Variants in STPG3 observed in about 807,000 individuals in gnomAD.
STPG3 encodes the protein protein STPG3.
In STPG3, 39 loss-of-function variants were observed where a neutral mutation model predicts 32.5. The observed-to-expected ratio is 1.20, with a 90% CI of 0.93 to 1.57. The LOEUF (loss-of-function observed/expected upper bound fraction) is 1.57. Ranked by LOEUF, STPG3 falls within the 40% of genes most tolerant of loss-of-function variation. The pLI is 0.00. For synonymous variants in STPG3, 209 were observed against 172.4 expected (o/e 1.21, Z -1.66); for missense variants, 507 against 407.6 (o/e 1.24, Z -2.10).
chr9:137,252,892 C>A lies in STPG3; in HGVS notation c.723C>A (p.Ser241Arg). 6.3e-7 allele frequency: 1 copy of A among 1,595,598 alleles called. No individual in the cohort carries two copies. The highest frequency in any genetic ancestry group is 8.5e-7 in the Non-Finnish European group (1 of 1,171,932). The part of the protein sequence containing the change: ...GPNTYNILPG[S>R]RLQSPRSPAF... The stretch of plus-strand genomic sequence containing the variant: ...ACACCTACAATATCCTTCCTGGGAG[C>A]CGCCTGCAGAGCCCCCGCTCGCCGG... The change falls in exon 5 of 6, where the codon AGC becomes AGA. Residue 241 changes from serine to arginine, a missense_variant. Transcript: ENST00000412566.
At position 137,253,322 on chromosome 9, in the gene STPG3, C is replaced by T. The variant is rs1214709367; in HGVS notation, c.*77C>T. ...TCCCCCGGGGCTTTCCCAGGCCTCC[C>T]CTGGGACTTGGGGCCCCAGCCTGGC... On this transcript the variant is annotated 3_prime_UTR_variant, in exon 6 of 6. Coordinates refer to ENST00000412566, the MANE Select transcript of STPG3 (RefSeq NM_001004353.4). The T allele has an allele frequency of 1.9e-6, 3 of 1,552,640 alleles. No homozygotes were observed. Among genetic ancestry groups the T allele is most frequent in the Non-Finnish European group, 2.6e-6 (3 of 1,149,250 alleles).
intron 1 of STPG3, 61 bp downstream of exon 1, chr9:137,251,457 A>G: frequency 7.6e-7 from 1 of 1,312,528 alleles, no homozygotes; most frequent in Non-Finnish European, 1.1e-6. Context: ...GGGCTGAGGG[A>G]CAGTGTGGGG....
chr9:137,251,904 G>C lies in STPG3; in HGVS notation c.268+9G>C, dbSNP rs1388996523. On this transcript the variant is annotated intron_variant, in intron 2 of 5. Coordinates refer to ENST00000412566, the MANE Select transcript of STPG3 (RefSeq NM_001004353.4). Reference sequence around the variant, plus strand: ...GACCCTGAGGGAACTATGTGAGTGAGGGTCCTGGCCACCCCACCCCCAAGC... The same window carrying C: ...GACCCTGAGGGAACTATGTGAGTGACGGTCCTGGCCACCCCACCCCCAAGC... The C allele has an allele frequency of 1.2e-6, 2 of 1,604,514 alleles. No individual in the cohort carries two copies. The highest frequency in any genetic ancestry group is 2.2e-5 in the East Asian group (1 of 44,456).
At chr9:137,252,202 C>T in intron 3 of STPG3, 67 bp downstream of exon 3, 2 of 1,551,818 alleles carry the variant, frequency 1.3e-6, no homozygotes, top group South Asian at 2.4e-5. Context: ...GGGGCCTTTG[C>T]CTCTGTGCTG....
rs574552044 is a variant in STPG3, at chr9:137,252,107, C to A, written c.375C>A (p.Tyr125Ter). Residue 125 changes from tyrosine (Y) to a stop codon, truncating the protein, a stop_gained, in exon 3 of 6, where the codon TAC (tyrosine) becomes TAA (stop). Coordinates refer to ENST00000412566, the MANE Select transcript of STPG3 (RefSeq NM_001004353.4). LOFTEE classifies it high-confidence loss of function. ...GAGAGTCCTCCCCACACCCCCACTA[C>A]AGCATCGGCTGCAAGCACCAGGGCC... ...SVRESSPHPH[Y>*]SIGCKHQGRE... The A allele has an allele frequency of 2.5e-6, 4 of 1,612,100 alleles. No homozygotes were observed. Among genetic ancestry groups the A allele is most frequent in the East Asian group, 4.5e-5 (2 of 44,890 alleles).
In STPG3 at chr9:137,252,081, C is replaced by A; in HGVS notation, c.349C>A (p.Arg117=). ...TRYQVPSPSV[R]ESSPHPHYSI... The stretch of plus-strand genomic sequence containing the variant: ...GTACCAGGTGCCGAGCCCGTCCGTA[C>A]GAGAGTCCTCCCCACACCCCCACTA... The change falls in exon 3 of 6, where the codon CGA becomes AGA. Residue 117 remains arginine, a synonymous_variant. Transcript: ENST00000412566. The A allele has an allele frequency of 6.2e-7, 1 of 1,612,718 alleles. No homozygotes were observed. The highest frequency in any genetic ancestry group is 1.1e-5 in the South Asian group (1 of 91,072).
Position 137,253,313 on chromosome 9 carries a change from C to T in STPG3, c.*68C>T, listed in dbSNP as rs1134511. 0.036 allele frequency: 55,460 copies of T among 1,556,278 alleles called. 1,214 individuals are homozygous for T. Among genetic ancestry groups the T allele is most frequent in the Non-Finnish European group, 0.042 (48,305 of 1,151,124 alleles). On this transcript the variant is annotated 3_prime_UTR_variant, in exon 6 of 6. Transcript: ENST00000412566. Reference sequence around the variant, plus strand: ...ACCATGGCCTCCCCCGGGGCTTTCCCAGGCCTCCCCTGGGACTTGGGGCCC... The same window carrying T: ...ACCATGGCCTCCCCCGGGGCTTTCCTAGGCCTCCCCTGGGACTTGGGGCCC...
rs749086505 is a variant in STPG3, at chr9:137,253,381, C to G, written c.*136C>G. 32 of 1,514,772 alleles carry G rather than the reference C, an allele frequency of 2.1e-5. No individual in the cohort carries two copies. The South Asian group carries it at 3.8e-4, about 18-fold the overall frequency. The allele number at this position is 1,514,772 out of a possible 1,614,324, so 93.8% of individuals were successfully genotyped here. ...CCTCTGGGCACCCCGATGCACCCTT[C>G]TGGCTGGCCAACCCTTCTATGGGCT... is the stretch of plus-strand genomic sequence containing the variant. On this transcript the variant is annotated 3_prime_UTR_variant, in exon 6 of 6. Transcript: ENST00000412566.
chr9:137,253,298 C>A lies in STPG3; in HGVS notation c.*53C>A, dbSNP rs550285104. 101 of 1,567,382 alleles carry A rather than the reference C, an allele frequency of 6.4e-5. 3 individuals carry two copies. In the Admixed American group the frequency reaches 1.6e-3, roughly 25 times the overall value. The stretch of plus-strand genomic sequence containing the variant: ...CGGCCACCGAGTGGAACCATGGCCT[C>A]CCCCGGGGCTTTCCCAGGCCTCCCC... On this transcript the variant is annotated 3_prime_UTR_variant, in exon 6 of 6. Coordinates refer to ENST00000412566, the MANE Select transcript of STPG3 (RefSeq NM_001004353.4).
rs776858640 is a variant in STPG3, at chr9:137,253,454, G to A, written c.*209G>A. The A allele has an allele frequency of 4.2e-6, 6 of 1,436,614 alleles. No individual in the cohort carries two copies. Among genetic ancestry groups the A allele is most frequent in the Non-Finnish European group, 4.6e-6 (5 of 1,098,058 alleles). The allele number at this position is 1,436,614 out of a possible 1,614,324, so 89.0% of individuals were successfully genotyped here. On this transcript the variant is annotated 3_prime_UTR_variant, in exon 6 of 6. Transcript: ENST00000412566. ...GGATCCCCCATCTGCCCATCTCCCC[G>A]CTACACTGAGATGCTGTTGGTTTTC...
Position 137,251,390 on chromosome 9 carries a change from C to T in STPG3, c.104C>T (p.Pro35Leu). The change falls in exon 1 of 6, where the codon CCC becomes CTC. Residue 35 changes from proline (P) to leucine (L), a missense_variant. Physicochemically the swap from Pro to Leu is moderately conservative, Grantham distance 98. Coordinates refer to ENST00000412566, the MANE Select transcript of STPG3 (RefSeq NM_001004353.4). ...HGHLRQTQPE[P>L]TQPKASVLLL... is the part of the protein sequence containing the mutation. ...CACCTGAGGCAGACACAACCAGAGCCCACCCAGTAACTGGCGGAGAGGGGG... is the reference window on the plus strand; with the variant it reads ...CACCTGAGGCAGACACAACCAGAGCTCACCCAGTAACTGGCGGAGAGGGGG... 1 of 1,610,842 alleles carries T rather than the reference C, an allele frequency of 6.2e-7. No individual in the cohort carries two copies. Among genetic ancestry groups the T allele is most frequent in the Non-Finnish European group, 8.5e-7 (1 of 1,177,772 alleles).
Position 137,253,205 on chromosome 9 carries a change from G to A in STPG3, c.887G>A (p.Arg296Lys), listed in dbSNP as rs1317238136. ...GGCGTGGTCATCCAGGGTGTACGCA[G>A]ACCCAAGCGCCACGACACAGGCCCC... Reference protein sequence around the residue: ...APGVVIQGVRRPKRHDTGPFC... With the variant: ...APGVVIQGVRKPKRHDTGPFC... Residue 296 changes from arginine (R) to lysine (K), a missense_variant, in exon 6 of 6, where the codon AGA becomes AAA. By Grantham distance (26) the Arg-to-Lys change is conservative. Coordinates refer to ENST00000412566, the MANE Select transcript of STPG3 (RefSeq NM_001004353.4). 2 of 1,608,998 alleles carry A rather than the reference G, an allele frequency of 1.2e-6. No individual in the cohort carries two copies. The highest frequency in any genetic ancestry group is 1.7e-6 in the Non-Finnish European group (2 of 1,178,224).
chr9:137,252,118 G>T lies in STPG3; in HGVS notation c.386G>T (p.Cys129Phe). The change falls in exon 3 of 6, where the codon TGC becomes TTC. Residue 129 changes from cysteine to phenylalanine, a missense_variant. Coordinates refer to ENST00000412566, the MANE Select transcript of STPG3 (RefSeq NM_001004353.4). ...SSPHPHYSIG[C>F]KHQGREGGGR... is the part of the protein sequence containing the mutation. ...CCACACCCCCACTACAGCATCGGCT[G>T]CAAGCACCAGGGCCGAGGTGTGTGT... is the stretch of plus-strand genomic sequence containing the variant. 6.2e-7 allele frequency: 1 copy of T among 1,611,116 alleles called. No individual in the cohort carries two copies. Among genetic ancestry groups the T allele is most frequent in the Non-Finnish European group, 8.5e-7 (1 of 1,179,566 alleles).
chr9:137,253,472 T>C lies in STPG3; in HGVS notation c.*227T>C, dbSNP rs1295686506. ...TCTCCCCGCTACACTGAGATGCTGT[T>C]GGTTTTCCCGAGCTCTGTGGTGTGC... On this transcript the variant is annotated 3_prime_UTR_variant, in exon 6 of 6. Transcript: ENST00000412566. 9.1e-6 allele frequency: 13 copies of C among 1,432,696 alleles called. No individual in the cohort carries two copies. In the East Asian group the frequency reaches 3.3e-4, roughly 36 times the overall value. 88.7% of individuals were successfully genotyped at this position (1,432,696 alleles called of 1,614,324 possible). A position where few individuals can be genotyped will look rare whatever the true frequency, so the allele number is the denominator to read the frequency against.
At position 137,252,422 on chromosome 9, in the gene STPG3, A is replaced by G; in HGVS notation, c.404-15A>G. The G allele has an allele frequency of 1.2e-6, 2 of 1,607,234 alleles. No individual in the cohort carries two copies. Among genetic ancestry groups the G allele is most frequent in the Non-Finnish European group, 1.7e-6 (2 of 1,177,018 alleles). ...GGGGCTCCCAGCCTTCTCTCTCTCC[A>G]TCCTCCAACTACAGAGGGCGGTGGC... On this transcript the variant is annotated splice_polypyrimidine_tract_variant and intron_variant, in intron 3 of 5. Transcript: ENST00000412566.
chr9:137,251,505 C>G lies in STPG3; in HGVS notation c.110+109C>G, dbSNP rs377130651. 6.2e-4 allele frequency: 626 copies of G among 1,001,938 alleles called. 4 individuals are homozygous for G. In the African/African-American group the frequency reaches 9.0e-3, roughly 14 times the overall value. The allele number at this position is 1,001,938 out of a possible 1,614,324, so 62.1% of individuals were successfully genotyped here. ...GGCAGGCGGCTGGGGGACTGAGGGA[C>G]AGTGTGGGGACAGGCTGTGGGGCAG... On this transcript the variant is annotated intron_variant, in intron 1 of 5. Coordinates refer to ENST00000412566, the MANE Select transcript of STPG3 (RefSeq NM_001004353.4).
At chr9:137,252,618 T>TG (rs1045692110) in intron 4 of STPG3, 44 bp from the exon 5 acceptor site, 2 of 1,518,694 alleles carry the variant, frequency 1.3e-6, no homozygotes, top group Admixed American at 2.0e-5. Flanking sequence ...TGAGGGTCCG[T>TG]GGGGAGCACC....
chr9:137,252,642 C>T lies in STPG3; in HGVS notation c.493-20C>T, dbSNP rs542534505. On this transcript the variant is annotated intron_variant, in intron 4 of 5. Transcript: ENST00000412566. ...GTGGGGAGCACCCTGCCCTGCAGCC[C>T]GTCTCCTACCCCCTCGCAGTGGCCC... 40 of 1,533,264 alleles carry T rather than the reference C, an allele frequency of 2.6e-5. No homozygotes were observed. In the East Asian group the frequency reaches 6.9e-4, roughly 27 times the overall value. 95.0% of individuals were successfully genotyped at this position (1,533,264 alleles called of 1,614,324 possible).
At chr9:137,251,945 TGTGG>T (rs1156903124) in intron 2 of STPG3, 50 bp downstream of exon 2, 62 of 1,596,510 alleles carry the variant, frequency 3.9e-5, no homozygotes, top group Non-Finnish European at 5.1e-5. Flanking sequence ...TTTGGGGGGC[TGTGG>T]GAGGGGCCCG....
Sources: allele counts gnomAD v4.1 joint callset, GRCh38; gene constraint gnomAD v4.1.1; transcripts MANE v1.5; gene names NCBI Gene and HGNC (gene_info 2026-07-23, HGNC 2026-07-21).